The following PRKDC variants were observed in gnomAD, a reference collection of about 807,000 sequenced individuals.
PRKDC encodes the protein protein kinase, DNA-activated, catalytic subunit, also known as DNA-dependent protein kinase catalytic subunit.
Under a neutral mutation model 486.9 loss-of-function variants are expected in PRKDC, and 82 were observed. That is an observed-to-expected ratio of 0.17 (90% CI 0.14 to 0.20). The LOEUF (loss-of-function observed/expected upper bound fraction) is 0.20. PRKDC is among the 10% of genes least tolerant of loss of function. PRKDC has a pLI of 1.00. For synonymous variants in PRKDC, 1,895 were observed against 1,837.0 expected, an observed-to-expected ratio of 1.03 and a Z score of -0.81; for missense variants, 4,504 against 5,038.2, an observed-to-expected ratio of 0.89 and a Z score of 3.21.
intron 25 of PRKDC, 58 bp from the exon 26 acceptor site, chr8:47,905,034 T>A: frequency 8.0e-7 from 1 of 1,253,398 alleles, no homozygotes; most frequent in Non-Finnish European, 1.2e-6. Flanking sequence ...TGTTACGCTG[T>A]AAAGGGTTCC....
intron 25 of PRKDC, 122 bp downstream of exon 25, chr8:47,912,288 G>C: frequency 1.8e-6 from 2 of 1,112,576 alleles, no homozygotes; most frequent in Non-Finnish European, 1.2e-6. Flanking sequence ...ACCTGGGGTA[G>C]CAGTCAGGGA....
At chr8:47,900,652 G>A (rs1010344562) in intron 27 of PRKDC, among the ~76,000 whole-genome samples, 185 bp from the exon 28 acceptor site, 1 of 152,102 alleles carries the variant, frequency 6.6e-6, no homozygotes, top group Admixed American at 6.6e-5. Flanking sequence ...ACGAGGTCAG[G>A]AGATCGAGAC....
At chr8:47,906,635 A>C (rs1002842636) in intron 25 of PRKDC, among the ~76,000 whole-genome samples, 3 of 150,720 alleles carry the variant, frequency 2.0e-5, no homozygotes, top group Non-Finnish European at 4.4e-5. Flanking sequence ...AAAAAAAAAA[A>C]GTAAAATGCT....
In PRKDC at chr8:47,886,106, C is replaced by G. The variant is rs200225268; in HGVS notation, c.4614G>C (p.Leu1538=). 9.7e-5 allele frequency: 157 copies of G among 1,613,122 alleles called. No individual in the cohort carries two copies. The highest frequency in any genetic ancestry group is 8.1e-5 in the Non-Finnish European group (96 of 1,179,778). The change falls in exon 36 of 86, where the codon CTG becomes CTC. Residue 1538 remains leucine (L), a synonymous_variant. Coordinates refer to ENST00000314191, the MANE Select transcript of PRKDC (RefSeq NM_006904.7). Reference sequence around the variant, plus strand: ...GTGAGCTGCCCAAGGACGCCGTGGACAGCACCGCTGGGTTCAGGAGAAGAC... The same window carrying G: ...GTGAGCTGCCCAAGGACGCCGTGGAGAGCACCGCTGGGTTCAGGAGAAGAC... ...LVSLLLNPAV[L]STASLGSSQG...
Position 47,944,041 on chromosome 8 carries a change from C to T in PRKDC, c.722-12G>A, listed in dbSNP as rs1251872594. On this transcript the variant is annotated splice_polypyrimidine_tract_variant and intron_variant, in intron 7 of 85. Transcript: ENST00000314191. ...TGAAGTCTGGGGATCTAGGGAAATA[C>T]CAAGAAGCCTGTTACAAATCGTAAT... The T allele has an allele frequency of 6.4e-7, 1 of 1,554,286 alleles. No homozygotes were observed.
At chr8:47,895,766 C>T (rs2089565289) in intron 30 of PRKDC, among the ~76,000 whole-genome samples, 1 of 152,186 alleles carries the variant, frequency 6.6e-6, no homozygotes, top group Non-Finnish European at 1.5e-5. Context: ...CTAGGCCAGG[C>T]GTGGTAGCTC....
chr8:47,778,804 G>A lies in PRKDC; in HGVS notation c.11580-5C>T, dbSNP rs374831588. ...GTTTCAGTACGATTAGCGCCCCTAT[G>A]ATTTAATAATAGAAACATCTAATTA... On this transcript the variant is annotated splice_polypyrimidine_tract_variant and splice_region_variant and intron_variant, in intron 81 of 85. Coordinates refer to ENST00000314191, the MANE Select transcript of PRKDC (RefSeq NM_006904.7). 2 of 1,610,700 alleles carry A rather than the reference G, an allele frequency of 1.2e-6. No homozygotes were observed. The highest frequency in any genetic ancestry group is 2.7e-5 in the African/African-American group (2 of 74,798).
At position 47,850,848 on chromosome 8, in the gene PRKDC, C is replaced by T. The variant is rs183171769; in HGVS notation, c.7006-1345G>A. On this transcript the variant is annotated intron_variant, in intron 52 of 85. Transcript: ENST00000314191. ...TTTTTGAGATGGAGTCTCACTCTGT[C>T]GCCCAGGCTGGAGTGCAGTGGTGTG... is the stretch of plus-strand genomic sequence containing the variant. Among the ~76,000 whole-genome samples the T allele has an allele frequency of 4.1e-3, 626 of 152,228 alleles. 4 individuals are homozygous for T. Among genetic ancestry groups the T allele is most frequent in the South Asian group, 0.025 (120 of 4,820 alleles).
chr8:47,845,097 G>A (rs2088237110), intron 54 of PRKDC, among the ~76,000 whole-genome samples: 1 of 152,002 alleles, frequency 6.6e-6, no homozygotes, highest in Non-Finnish European at 1.5e-5. Context: ...TGCACCTCTA[G>A]TCCCAGCTAC....
intron 31 of PRKDC, among the ~76,000 whole-genome samples, chr8:47,891,446 C>A (rs192213416): frequency 3.6e-4 from 55 of 152,230 alleles, no homozygotes; most frequent in Admixed American, 3.6e-3. Context: ...CTCAGCCGGG[C>A]GCGGTGGCTC....
At chr8:47,937,141 A>T (rs2154503839) in intron 11 of PRKDC, among the ~76,000 whole-genome samples, 1 of 151,236 alleles carries the variant, frequency 6.6e-6, no homozygotes, top group Admixed American at 6.6e-5. Context: ...CACAACTGTA[A>T]TCCCAGCTAC....
chr8:47,859,719 G>A lies in PRKDC; in HGVS notation c.6099C>T (p.Asp2033=), dbSNP rs1421096689. The A allele has an allele frequency of 1.9e-6, 3 of 1,613,600 alleles. No homozygotes were observed. Among genetic ancestry groups the A allele is most frequent in the East Asian group, 2.2e-5 (1 of 44,884 alleles). ...SYMSSLSYLA[D]STLSEEMSQF... is the part of the protein sequence containing the mutation. ...GACTCATTTCCTCACTCAGGGTACTGTCTGCCAAATATGACAGGGAAGACA... is the reference window on the plus strand; with the variant it reads ...GACTCATTTCCTCACTCAGGGTACTATCTGCCAAATATGACAGGGAAGACA... Residue 2033 remains aspartate (D), a synonymous_variant, in exon 46 of 86, where the codon GAC becomes GAT. Transcript: ENST00000314191.
chr8:47,784,196 T>C (rs1024446440), intron 77 of PRKDC: 15 of 174,516 alleles, frequency 8.6e-5, no homozygotes, highest in Admixed American at 1.8e-4. Context: ...AGGCAGAGCT[T>C]GCAGTGAGCC....
At position 47,834,458 on chromosome 8, in the gene PRKDC, G is replaced by A. The variant is rs1034410668; in HGVS notation, c.7952-62C>T. The A allele has an allele frequency of 1.7e-5, 27 of 1,555,302 alleles. No individual in the cohort carries two copies. The Middle Eastern group carries it at 7.0e-4, about 40-fold the overall frequency. On this transcript the variant is annotated intron_variant, in intron 58 of 85. Coordinates refer to ENST00000314191, the MANE Select transcript of PRKDC (RefSeq NM_006904.7). ...TCACCCAGCTCTGTGCACGGGGCAG[G>A]ACCACCTGCCAGGACACACCTGGTG...
Position 47,778,806 on chromosome 8 carries a change from T to G in PRKDC, c.11580-7A>C. On this transcript the variant is annotated splice_polypyrimidine_tract_variant and splice_region_variant and intron_variant, in intron 81 of 85. Transcript: ENST00000314191. ...TTCAGTACGATTAGCGCCCCTATGA[T>G]TTAATAATAGAAACATCTAATTAGA... 2 of 1,610,096 alleles carry G rather than the reference T, an allele frequency of 1.2e-6. No homozygotes were observed. The highest frequency in any genetic ancestry group is 1.7e-6 in the Non-Finnish European group (2 of 1,178,520).
At chr8:47,911,189 T>A (rs535523694) in intron 25 of PRKDC, among the ~76,000 whole-genome samples, 6 of 152,166 alleles carry the variant, frequency 3.9e-5, no homozygotes, top group Non-Finnish European at 7.4e-5. Context: ...AAGTGCCAAG[T>A]GCTGGGGTAG....
At chr8:47,945,795 C>A (rs1380605394) in intron 7 of PRKDC, among the ~76,000 whole-genome samples, 1 of 152,120 alleles carries the variant, frequency 6.6e-6, no homozygotes, top group Non-Finnish European at 1.5e-5. Context: ...GATCTCAGCT[C>A]ACCACAACCT....
intron 28 of PRKDC, among the ~76,000 whole-genome samples, chr8:47,899,803 A>G (rs1363324188): frequency 1.3e-5 from 2 of 152,216 alleles, no homozygotes; most frequent in Non-Finnish European, 2.9e-5. Flanking sequence ...CTTCTAGCTC[A>G]ACAACTCTAT....
intron 54 of PRKDC, among the ~76,000 whole-genome samples, chr8:47,847,874 A>AATATATATAT (rs34432546): frequency 2.1e-5 from 3 of 146,200 alleles, no homozygotes; most frequent in African/African-American, 7.5e-5. Context: ...GCGGCCAACA[A>AATATATATAT]ATATATATAT....
Sources: gnomAD v4.1 joint callset for allele counts (sites outside exome capture counted in the v4.1 genomes callset) on GRCh38, gnomAD v4.1.1 for gene constraint, MANE v1.5 for transcripts, NCBI Gene and HGNC (gene_info 2026-07-23, HGNC 2026-07-21) for gene names.